Variants in HYAL4 observed in about 807,000 individuals in gnomAD.
HYAL4 encodes the protein hyaluronidase 4.
Under a neutral mutation model 35.2 loss-of-function variants are expected in HYAL4, and 37 were observed. That is an observed-to-expected ratio of 1.05 (90% CI 0.81 to 1.38). The LOEUF (loss-of-function observed/expected upper bound fraction) is 1.38. HYAL4 is among the 40% of genes most tolerant of loss of function. HYAL4 has a pLI of 0.00. For missense variants in HYAL4, 572 were observed against 572.4 expected, an observed-to-expected ratio of 1.00 and a Z score of 0.01; for synonymous variants, 198 against 203.2, an observed-to-expected ratio of 0.97 and a Z score of 0.22.
rs749587267 is a variant in HYAL4 at position 123,868,861 on chromosome 7, A to G, written c.588A>G (p.Lys196=). The G allele has an allele frequency of 9.9e-6, 16 of 1,614,232 alleles. No individual in the cohort carries two copies. In the East Asian group the frequency reaches 3.1e-4, roughly 31 times the overall value. The change falls in exon 3 of 5, where the codon AAA becomes AAG. Residue 196 remains lysine, a synonymous_variant. Transcript: ENST00000223026. ...LAKVTFEESA[K]AFMKETIKLG... is the part of the protein sequence containing the mutation. ...AAGTGACCTTTGAAGAAAGTGCAAA[A>G]GCTTTCATGAAGGAAACCATCAAAT...
the HYAL4 span, among the ~76,000 whole-genome samples, chr7:123,811,503 C>G: frequency 6.6e-6 from 1 of 152,046 alleles, no homozygotes; most frequent in African/African-American, 2.4e-5. Context: ...TCTGTTCAAG[C>G]CTTTTGCTCA....
intron 1 of HYAL4, among the ~76,000 whole-genome samples, chr7:123,839,592 C>G (rs186528590): frequency 6.6e-6 from 1 of 152,204 alleles, no homozygotes; most frequent in African/African-American, 2.4e-5. Context: ...CTAATTTACA[C>G]TTCCACCAAC....
At chr7:123,765,249 A>AAG in the HYAL4 span, among the ~76,000 whole-genome samples, 3 of 130,658 alleles carry the variant, frequency 2.3e-5, no homozygotes, top group Admixed American at 7.4e-5. Context: ...AAAAGATGAT[A>AAG]ACAGAGATGC....
chr7:123,788,125 C>T, the HYAL4 span, among the ~76,000 whole-genome samples: 1 of 152,122 alleles, frequency 6.6e-6, no homozygotes, highest in Non-Finnish European at 1.5e-5. Flanking sequence ...CGAGACTAGC[C>T]TGGGCAACAC....
chr7:123,876,638 G>T (rs920847492), intron 4 of HYAL4, 116 bp from the exon 5 acceptor site: 1 of 1,103,152 alleles, frequency 9.1e-7, no homozygotes, highest in Non-Finnish European at 1.3e-6. Context: ...CAAGACCAAA[G>T]AACTGTGCTA....
chr7:123,846,898 A>G (rs1806186173), intron 1 of HYAL4, among the ~76,000 whole-genome samples: 1 of 152,080 alleles, frequency 6.6e-6, no homozygotes, highest in Non-Finnish European at 1.5e-5. Context: ...ATCTTCTCCC[A>G]TGATCTAGAC....
the HYAL4 span, among the ~76,000 whole-genome samples, chr7:123,823,706 T>C: frequency 7.1e-6 from 1 of 140,908 alleles, no homozygotes; most frequent in Non-Finnish European, 1.5e-5. Flanking sequence ...ACATATATAT[T>C]TATATATATA....
At chr7:123,855,129 A>G (rs1806405124) in intron 2 of HYAL4, among the ~76,000 whole-genome samples, 2 of 152,278 alleles carry the variant, frequency 1.3e-5, no homozygotes, top group South Asian at 4.1e-4. Context: ...TGAATACAGC[A>G]CACCAATGGG....
chr7:123,796,560 A>T, the HYAL4 span, among the ~76,000 whole-genome samples: 2 of 152,220 alleles, frequency 1.3e-5, no homozygotes, highest in African/African-American at 4.8e-5. Flanking sequence ...CAGAATTACC[A>T]TATGACCTAG....
chr7:123,866,363 T>C (rs1806686887), intron 2 of HYAL4, among the ~76,000 whole-genome samples: 2 of 152,148 alleles, frequency 1.3e-5, no homozygotes, highest in African/African-American at 4.8e-5. Flanking sequence ...AATATCCAAA[T>C]TCAAAGCCTA....
At chr7:123,856,847 A>G (rs529426012) in intron 2 of HYAL4, among the ~76,000 whole-genome samples, 1 of 152,278 alleles carries the variant, frequency 6.6e-6, no homozygotes, top group South Asian at 2.1e-4. Context: ...TAAGCCCCTG[A>G]CTGGGGCTGC....
At chr7:123,766,983 T>G in the HYAL4 span, among the ~76,000 whole-genome samples, 1 of 152,210 alleles carries the variant, frequency 6.6e-6, no homozygotes, top group African/African-American at 2.4e-5. Flanking sequence ...TTTAATCAAA[T>G]CATGTTTTTA....
At chr7:123,808,509 A>G in the HYAL4 span, among the ~76,000 whole-genome samples, 2 of 151,774 alleles carry the variant, frequency 1.3e-5, no homozygotes, top group East Asian at 3.9e-4. Context: ...TTTCAGTGGC[A>G]GAAAATGTAT....
chr7:123,770,962 G>A, the HYAL4 span, among the ~76,000 whole-genome samples: 1 of 152,056 alleles, frequency 6.6e-6, no homozygotes, highest in Non-Finnish European at 1.5e-5. Flanking sequence ...TAGAACCAGA[G>A]CTTGGTAATT....
chr7:123,793,023 G>T, the HYAL4 span, among the ~76,000 whole-genome samples: 1 of 152,188 alleles, frequency 6.6e-6, no homozygotes, highest in Non-Finnish European at 1.5e-5. Flanking sequence ...CCTTAACACA[G>T]TTGGTGGACC....
intron 2 of HYAL4, among the ~76,000 whole-genome samples, chr7:123,858,320 G>T (rs1806502981): frequency 6.6e-6 from 1 of 152,056 alleles, no homozygotes; most frequent in Non-Finnish European, 1.5e-5. Flanking sequence ...AATTTGATGG[G>T]CTTGAAATCT....
chr7:123,847,520 G>A (rs1295151143), intron 1 of HYAL4, among the ~76,000 whole-genome samples: 1 of 152,118 alleles, frequency 6.6e-6, no homozygotes, highest in African/African-American at 2.4e-5. Flanking sequence ...GTTTACGCCT[G>A]TAATCCCAGC....
chr7:123,807,036 G>C, the HYAL4 span, among the ~76,000 whole-genome samples: 1 of 152,104 alleles, frequency 6.6e-6, no homozygotes, highest in Non-Finnish European at 1.5e-5. Context: ...TTACATTACT[G>C]CATACAATTT....
chr7:123,807,440 T>G, the HYAL4 span, among the ~76,000 whole-genome samples: 1 of 145,188 alleles, frequency 6.9e-6, no homozygotes, highest in Admixed American at 6.8e-5. Context: ...TGGTTTTTTT[T>G]TTTTTTTTTT....
Sources: gnomAD v4.1 joint callset for allele counts (sites outside exome capture counted in the v4.1 genomes callset) on GRCh38, gnomAD v4.1.1 for gene constraint, MANE v1.5 for transcripts, NCBI Gene and HGNC (gene_info 2026-07-23, HGNC 2026-07-21) for gene names.